CACNA2D3: variants seen among roughly 807,000 people sequenced by gnomAD.
CACNA2D3 encodes calcium voltage-gated channel auxiliary subunit alpha2delta 3.
A neutral mutation model predicts 160.6 loss-of-function variants in CACNA2D3; 60 were observed. That is an observed-to-expected ratio of 0.37 (90% CI 0.30 to 0.46). The LOEUF is 0.46. Ranked by LOEUF, CACNA2D3 falls within the 20% of genes least tolerant of loss-of-function variation. CACNA2D3 has a pLI of 1.00. For missense variants in CACNA2D3, 1,205 were observed against 1,365.0 expected (o/e 0.88, Z 1.85); for synonymous variants, 558 against 492.9 (o/e 1.13, Z -1.75).
chr3:54,419,063 T>C (rs1699799092), intron 4 of CACNA2D3, among the ~76,000 whole-genome samples: 2 of 152,172 alleles, frequency 1.3e-5, no homozygotes, highest in Admixed American at 6.5e-5. Context: ...AAGAGTTAGA[T>C]ATGCAGTAGG....
chr3:54,966,636 T>C (rs1443734808), intron 27 of CACNA2D3, among the ~76,000 whole-genome samples: 11 of 152,150 alleles, frequency 7.2e-5, no homozygotes, highest in Admixed American at 7.2e-4. Context: ...CTGGCTAACA[T>C]GGTGAAACTT....
In CACNA2D3 at chr3:54,581,831, C is replaced by G. The variant is rs760549573; in HGVS notation, c.917C>G (p.Pro306Arg). Residue 306 changes from proline to arginine, a missense_variant, in exon 9 of 38, where the codon CCT becomes CGT. By Grantham distance (103) the Pro-to-Arg change is moderately radical. Around this residue, in one of 3 missense-constraint regions of CACNA2D3, gnomAD observed 911 missense variants for 1,002.2 expected, o/e 0.91. Transcript: ENST00000474759. Reference protein sequence around the residue: ...AYNEELHYVEPCLNGTLVQAD... With the variant: ...AYNEELHYVERCLNGTLVQAD... ...AATGAGGAGCTTCACTATGTGGAAC[C>G]TTGCCTGAATGGAACTTTGGTGCAA... 2.6e-5 allele frequency: 42 copies of G among 1,613,606 alleles called. No homozygotes were observed. In the South Asian group the frequency reaches 4.2e-4, roughly 16 times the overall value.
At chr3:54,938,496 G>C (rs1294404973) in intron 27 of CACNA2D3, among the ~76,000 whole-genome samples, 1 of 152,084 alleles carries the variant, frequency 6.6e-6, no homozygotes, top group African/African-American at 2.4e-5. Context: ...ATAGATCCTT[G>C]CCATTTGCAA....
intron 18 of CACNA2D3, chr3:54,875,710 A>G (rs918347964): frequency 1.3e-5 from 2 of 152,210 alleles, no homozygotes. Flanking sequence ...CTGCTTCAGC[A>G]CTGCAGAAGA....
intron 18 of CACNA2D3, 156 bp from the exon 19 acceptor site, chr3:54,878,862 A>T: frequency 2.0e-6 from 1 of 494,760 alleles, no homozygotes; most frequent in Non-Finnish European, 3.6e-6. Flanking sequence ...CCTGTCTCCC[A>T]TTGTACATGA....
chr3:54,561,485 G>C (rs1432980909), intron 5 of CACNA2D3, among the ~76,000 whole-genome samples: 2 of 152,186 alleles, frequency 1.3e-5, no homozygotes, highest in Non-Finnish European at 2.9e-5. Flanking sequence ...GGCTGGGACT[G>C]TGGGGTTTTC....
At chr3:54,822,762 CTTT>C in intron 14 of CACNA2D3, among the ~76,000 whole-genome samples, 5 of 84,546 alleles carry the variant, frequency 5.9e-5, no homozygotes, top group Admixed American at 1.4e-4. Context: ...TTCTTTCTTT[CTTT>C]CTTTCTTTCT....
chr3:54,356,850 G>T (rs759776230), intron 3 of CACNA2D3, among the ~76,000 whole-genome samples: 1 of 152,122 alleles, frequency 6.6e-6, no homozygotes, highest in Non-Finnish European at 1.5e-5. Flanking sequence ...TCTTGATTCA[G>T]ACTCTCTGCC....
chr3:54,880,942 C>T (rs185385423), intron 21 of CACNA2D3, 79 bp downstream of exon 21: 2 of 1,225,100 alleles, frequency 1.6e-6, no homozygotes, highest in Non-Finnish European at 2.4e-6. Flanking sequence ...AGCTGAAGAA[C>T]TTGTTCATCT....
intron 3 of CACNA2D3, among the ~76,000 whole-genome samples, chr3:54,335,289 A>G (rs888487386): frequency 2.0e-5 from 3 of 152,258 alleles, no homozygotes; most frequent in Non-Finnish European, 2.9e-5. Context: ...GTAAAGTGAA[A>G]GCAAGTTTAT....
chr3:54,931,606 A>C (rs1026841118), intron 27 of CACNA2D3, among the ~76,000 whole-genome samples: 1 of 152,154 alleles, frequency 6.6e-6, no homozygotes, highest in African/African-American at 2.4e-5. Flanking sequence ...TGGCCCCAAG[A>C]CCTGCCAGGA....
At chr3:54,808,539 C>G (rs1575487272) in intron 13 of CACNA2D3, among the ~76,000 whole-genome samples, 1 of 152,090 alleles carries the variant, frequency 6.6e-6, no homozygotes, top group East Asian at 1.9e-4. Context: ...CTACCCTGAG[C>G]CAGTTGCTGT....
At chr3:54,136,267 A>G (rs931433061) in intron 2 of CACNA2D3, among the ~76,000 whole-genome samples, 2 of 152,232 alleles carry the variant, frequency 1.3e-5, no homozygotes, top group Non-Finnish European at 2.9e-5. Flanking sequence ...GAGACAGAAC[A>G]ATTAGTCAAT....
intron 11 of CACNA2D3, among the ~76,000 whole-genome samples, chr3:54,738,906 C>G (rs1701584230): frequency 6.6e-6 from 1 of 152,100 alleles, no homozygotes; most frequent in African/African-American, 2.4e-5. Context: ...AATCCCAATA[C>G]TTTGGGCGGC....
intron 27 of CACNA2D3, chr3:54,966,885 TATA>T (rs1393894279): frequency 6.6e-6 from 1 of 152,232 alleles, no homozygotes; most frequent in Non-Finnish European, 1.5e-5. Flanking sequence ...AACTGCTGAC[TATA>T]ATATCACTTG....
At chr3:55,072,193 T>C (rs907237180) in intron 35 of CACNA2D3, among the ~76,000 whole-genome samples, 2 of 152,272 alleles carry the variant, frequency 1.3e-5, no homozygotes, top group Non-Finnish European at 2.9e-5. Context: ...CCAGTGTGGA[T>C]AGTGGTTAAG....
chr3:54,638,705 C>T (rs1699435063), intron 10 of CACNA2D3: 1 of 151,902 alleles, frequency 6.6e-6, no homozygotes, highest in Admixed American at 6.6e-5. Flanking sequence ...TAAAAGAATG[C>T]CTGGACGTCA....
At chr3:54,127,879 C>G (rs1397664752) in intron 2 of CACNA2D3, among the ~76,000 whole-genome samples, 1 of 152,058 alleles carries the variant, frequency 6.6e-6, no homozygotes, top group Non-Finnish European at 1.5e-5. Flanking sequence ...TGACCACTTG[C>G]TAACTTTCGG....
chr3:54,912,859 C>T (rs1054376582), intron 27 of CACNA2D3, among the ~76,000 whole-genome samples: 1 of 152,070 alleles, frequency 6.6e-6, no homozygotes, highest in Admixed American at 6.5e-5. Context: ...TGTAGACGGT[C>T]TTCATCTTTA....
Sources: gnomAD v4.1 joint callset for allele counts (sites outside exome capture counted in the v4.1 genomes callset) on GRCh38, gnomAD v4.1.1 for gene constraint, gnomAD v4.1.1 regional missense constraint, MANE v1.5 for transcripts, NCBI Gene and HGNC (gene_info 2026-07-23, HGNC 2026-07-21) for gene names.